SPTLC3: variants seen among roughly 807,000 people sequenced by gnomAD.
SPTLC3 encodes the protein serine palmitoyltransferase 3.
Under a neutral mutation model 59.3 loss-of-function variants are expected in SPTLC3, and 36 were observed. The ratio of observed to expected loss-of-function variants is 0.61; its 90% CI spans 0.47 to 0.80. The LOEUF (loss-of-function observed/expected upper bound fraction) is 0.80, where lower values mean the gene tolerates loss of function less well. SPTLC3 is among the 30% of genes least tolerant of loss of function. The pLI is 0.00. For missense variants in SPTLC3, 625 were observed against 685.1 expected (o/e 0.91, Z 0.98); for synonymous variants, 257 against 240.8 (o/e 1.07, Z -0.62).
chr20:13,103,359 T>A (rs528012621), intron 6 of SPTLC3, among the ~76,000 whole-genome samples: 1 of 152,296 alleles, frequency 6.6e-6, no homozygotes, highest in Non-Finnish European at 1.5e-5. Context: ...ACTTACTATT[T>A]CACATTTGGG....
chr20:13,159,868 A>T (rs2038856582), intron 10 of SPTLC3, 135 bp from the exon 11 acceptor site: 1 of 1,225,460 alleles, frequency 8.2e-7, no homozygotes, highest in South Asian at 1.7e-5. Flanking sequence ...AACTTCAATC[A>T]TCTTCCACTT....
intron 1 of SPTLC3, among the ~76,000 whole-genome samples, chr20:13,018,102 C>T (rs1985634016): frequency 6.6e-6 from 1 of 152,078 alleles, no homozygotes; most frequent in South Asian, 2.1e-4. Context: ...GTGTTTGCTC[C>T]AATTGATACT....
chr20:13,062,494 A>G (rs149831576), intron 2 of SPTLC3, among the ~76,000 whole-genome samples: 1,871 of 152,326 alleles, frequency 0.012, 18 homozygotes, highest in Non-Finnish European at 0.021. Flanking sequence ...ATTTACACAC[A>G]CACATATCAC....
chr20:13,071,617 G>C (rs574494014), intron 2 of SPTLC3, among the ~76,000 whole-genome samples: 12 of 152,232 alleles, frequency 7.9e-5, no homozygotes, highest in African/African-American at 2.9e-4. Flanking sequence ...TTCTAAACGG[G>C]AAGAGGGAAC....
chr20:13,057,616 A>G (rs1373544206), intron 2 of SPTLC3, among the ~76,000 whole-genome samples: 1 of 152,234 alleles, frequency 6.6e-6, no homozygotes, highest in East Asian at 1.9e-4. Flanking sequence ...TTAACTGAAA[A>G]GAATAGAAAA....
intron 10 of SPTLC3, among the ~76,000 whole-genome samples, chr20:13,156,998 C>T (rs923449224): frequency 1.3e-5 from 2 of 152,128 alleles, no homozygotes; most frequent in Non-Finnish European, 2.9e-5. Context: ...TTTCTTTCAA[C>T]TTAAGATTGT....
Position 13,072,159 on chromosome 20 carries a change from T to C in SPTLC3, c.304-97T>C, listed in dbSNP as rs1438259608. ...TCAAAATATATCTGTAGATGTGTTATTTCCACAGCTCTTCCAGGTCTTCTT... is the reference window on the plus strand; with the variant it reads ...TCAAAATATATCTGTAGATGTGTTACTTCCACAGCTCTTCCAGGTCTTCTT... On this transcript the variant is annotated intron_variant, in intron 2 of 11. Transcript: ENST00000399002. The C allele has an allele frequency of 4.4e-6, 6 of 1,357,372 alleles. No individual in the cohort carries two copies. The African/African-American group carries it at 8.8e-5, about 20-fold the overall frequency. The allele number at this position is 1,357,372 out of a possible 1,614,324, so 84.1% of individuals were successfully genotyped here.
chr20:13,066,438 C>T (rs1000760142), intron 2 of SPTLC3, among the ~76,000 whole-genome samples: 17 of 152,108 alleles, frequency 1.1e-4, no homozygotes, highest in African/African-American at 4.1e-4. Context: ...GTTTCTATGC[C>T]AGTACCATGC....
chr20:13,107,597 G>GA (rs1010338425), intron 6 of SPTLC3, among the ~76,000 whole-genome samples: 8 of 151,772 alleles, frequency 5.3e-5, no homozygotes, highest in Admixed American at 1.3e-4. Context: ...GATAAAAAGA[G>GA]AAAAAAACAA....
chr20:13,089,581 T>C (rs1394200471), intron 4 of SPTLC3, among the ~76,000 whole-genome samples: 1 of 151,866 alleles, frequency 6.6e-6, no homozygotes, highest in Non-Finnish European at 1.5e-5. Flanking sequence ...AGCTCAGGAG[T>C]TCGAGACCAG....
intron 10 of SPTLC3, among the ~76,000 whole-genome samples, chr20:13,158,292 T>A (rs904681187): frequency 7.2e-5 from 11 of 152,170 alleles, no homozygotes; most frequent in African/African-American, 2.2e-4. Flanking sequence ...AAATTTCCAG[T>A]GCAATCATAT....
intron 2 of SPTLC3, among the ~76,000 whole-genome samples, chr20:13,053,733 C>T (rs1987598808): frequency 6.6e-6 from 1 of 151,868 alleles, no homozygotes. Context: ...ACAAAAACTT[C>T]GTGAAGCATA....
intron 4 of SPTLC3, 103 bp from the exon 5 acceptor site, chr20:13,090,980 C>T: frequency 1.3e-6 from 2 of 1,493,094 alleles, no homozygotes; most frequent in East Asian, 4.6e-5. Context: ...TACAAGCACT[C>T]TTGTATAGGT....
intron 2 of SPTLC3, among the ~76,000 whole-genome samples, chr20:13,059,109 G>C (rs1987845306): frequency 6.6e-6 from 1 of 152,132 alleles, no homozygotes; most frequent in Non-Finnish European, 1.5e-5. Flanking sequence ...AGGTCACAAT[G>C]CTCCTATAAA....
At chr20:13,147,065 G>C (rs1384660815) in intron 9 of SPTLC3, among the ~76,000 whole-genome samples, 1 of 152,194 alleles carries the variant, frequency 6.6e-6, no homozygotes, top group Non-Finnish European at 1.5e-5. Flanking sequence ...GGGAGGTGGA[G>C]GCAGGGTGTT....
At chr20:13,047,398 T>C (rs1238446564) in intron 1 of SPTLC3, among the ~76,000 whole-genome samples, 4 of 152,154 alleles carry the variant, frequency 2.6e-5, no homozygotes, top group African/African-American at 9.6e-5. Flanking sequence ...TCTAAATACA[T>C]ATATATGTAT....
intron 4 of SPTLC3, among the ~76,000 whole-genome samples, chr20:13,086,918 T>G (rs776935134): frequency 6.6e-5 from 10 of 152,162 alleles, no homozygotes; most frequent in Non-Finnish European, 1.3e-4. Flanking sequence ...GCCTCCCAGA[T>G]AGCTAGGACT....
intron 1 of SPTLC3, among the ~76,000 whole-genome samples, chr20:13,040,208 C>T (rs1443919097): frequency 1.3e-5 from 2 of 151,980 alleles, no homozygotes; most frequent in Non-Finnish European, 2.9e-5. Flanking sequence ...TTCCTTAATT[C>T]AATATAGTTT....
intron 6 of SPTLC3, 65 bp downstream of exon 6, chr20:13,093,642 A>G: frequency 2.0e-6 from 3 of 1,468,202 alleles, no homozygotes; most frequent in Non-Finnish European, 2.8e-6. Context: ...AAGATTATTG[A>G]TGAGGCTTTG....
Sources: allele counts gnomAD v4.1 joint callset (sites outside exome capture counted in the v4.1 genomes callset), GRCh38; gene constraint gnomAD v4.1.1; transcripts MANE v1.5; gene names NCBI Gene and HGNC (gene_info 2026-07-23, HGNC 2026-07-21).